Variants in TENM4 observed in about 807,000 individuals in gnomAD.
TENM4 encodes the protein teneurin-4.
Under a neutral mutation model 243.3 loss-of-function variants are expected in TENM4, and 82 were observed. That is an observed-to-expected ratio of 0.34 (90% CI 0.28 to 0.40). The LOEUF is 0.40. Ranked by LOEUF, TENM4 falls within the 10% of genes least tolerant of loss-of-function variation. The pLI is 1.00. For missense variants in TENM4, 3,138 were observed against 3,673.3 expected (o/e 0.85, Z 3.77); for synonymous variants, 1,412 against 1,456.3 (o/e 0.97, Z 0.69).
intron 6 of TENM4, among the ~76,000 whole-genome samples, chr11:78,943,134 C>T (rs1296917771): frequency 6.6e-6 from 1 of 152,184 alleles, no homozygotes; most frequent in African/African-American, 2.4e-5. Flanking sequence ...AATGAATGTG[C>T]ACCTTTGAGA....
intron 2 of TENM4, among the ~76,000 whole-genome samples, chr11:79,263,923 C>T (rs1471481570): frequency 2.0e-5 from 3 of 152,160 alleles, no homozygotes; most frequent in Admixed American, 6.5e-5. Context: ...TACGGGGCTT[C>T]GCATCCCTTG....
At chr11:79,252,974 T>C (rs1039428472) in intron 2 of TENM4, among the ~76,000 whole-genome samples, 3 of 152,236 alleles carry the variant, frequency 2.0e-5, no homozygotes, top group Non-Finnish European at 2.9e-5. Flanking sequence ...AGTTGCTTAA[T>C]ACATATATTA....
chr11:79,288,643 C>T (rs1175295163), intron 2 of TENM4, among the ~76,000 whole-genome samples: 1 of 152,190 alleles, frequency 6.6e-6, no homozygotes. Flanking sequence ...TGATAACACC[C>T]GGCTCCGTCT....
chr11:78,726,253 A>T (rs1420716938), intron 22 of TENM4, 31 bp from the exon 23 acceptor site: 2 of 1,609,514 alleles, frequency 1.2e-6, no homozygotes, highest in Non-Finnish European at 1.7e-6. Flanking sequence ...CAAAATGCAT[A>T]AGTGAGCAAA....
In TENM4 at chr11:79,054,988, C is replaced by T. The variant is rs561743085; in HGVS notation, c.493+9750G>A. Among the ~76,000 whole-genome samples the T allele has an allele frequency of 2.1e-4, 32 of 151,792 alleles. 1 individual carries two copies. The highest frequency in any genetic ancestry group is 1.2e-3 in the East Asian group (6 of 5,092). Reference sequence around the variant, plus strand: ...TCTACTAAACAAACAATTAGCCAGGCGTGGTGGCAGAACCTGTAATCCCAG... The same window carrying T: ...TCTACTAAACAAACAATTAGCCAGGTGTGGTGGCAGAACCTGTAATCCCAG... On this transcript the variant is annotated intron_variant, in intron 6 of 33. Coordinates refer to ENST00000278550, the MANE Select transcript of TENM4 (RefSeq NM_001098816.3).
chr11:79,055,398 C>T (rs1160126337), intron 6 of TENM4, among the ~76,000 whole-genome samples: 1 of 152,030 alleles, frequency 6.6e-6, no homozygotes, highest in Non-Finnish European at 1.5e-5. Context: ...CACACCACCA[C>T]ACCCAGCTAA....
At chr11:78,966,259 G>T (rs1008712599) in intron 6 of TENM4, among the ~76,000 whole-genome samples, 1 of 150,860 alleles carries the variant, frequency 6.6e-6, no homozygotes, top group East Asian at 1.9e-4. Context: ...GAGGATGAAA[G>T]AAATTAAAAT....
At chr11:79,181,272 C>A (rs1269279682) in intron 3 of TENM4, among the ~76,000 whole-genome samples, 1 of 152,156 alleles carries the variant, frequency 6.6e-6, no homozygotes, top group African/African-American at 2.4e-5. Context: ...CCCAGGTATG[C>A]AAGGCTGGTT....
intron 30 of TENM4, among the ~76,000 whole-genome samples, chr11:78,673,061 T>A (rs1021011074): frequency 6.6e-6 from 1 of 150,454 alleles, no homozygotes; most frequent in African/African-American, 2.5e-5. Context: ...GGGGACACAG[T>A]CCTGGCTTTG....
chr11:78,977,404 G>A (rs1441301851), intron 6 of TENM4, among the ~76,000 whole-genome samples: 3 of 152,236 alleles, frequency 2.0e-5, no homozygotes, highest in Non-Finnish European at 4.4e-5. Flanking sequence ...CACTGTCCTT[G>A]TGGAACTTAC....
At chr11:79,372,131 A>G (rs763806426) in intron 1 of TENM4, among the ~76,000 whole-genome samples, 7 of 152,162 alleles carry the variant, frequency 4.6e-5, no homozygotes, top group Non-Finnish European at 7.3e-5. Context: ...GAATAGAAAG[A>G]TTGACTTTTG....
chr11:79,011,406 C>A (rs1858637349), intron 6 of TENM4, among the ~76,000 whole-genome samples: 1 of 152,230 alleles, frequency 6.6e-6, no homozygotes, highest in Non-Finnish European at 1.5e-5. Context: ...GTTCCCAGAC[C>A]TGTCTTGGCC....
At chr11:78,826,844 C>T (rs925406066) in intron 12 of TENM4, among the ~76,000 whole-genome samples, 3 of 152,200 alleles carry the variant, frequency 2.0e-5, no homozygotes, top group African/African-American at 7.2e-5. Context: ...GAAGATCCAA[C>T]ATGGGAATAA....
At chr11:79,173,178 G>A (rs566750631) in intron 3 of TENM4, among the ~76,000 whole-genome samples, 6 of 152,020 alleles carry the variant, frequency 3.9e-5, no homozygotes, top group African/African-American at 1.2e-4. Context: ...ACATTTTATC[G>A]ACCAGGCTCA....
chr11:79,240,280 C>CA (rs999931003), intron 2 of TENM4, among the ~76,000 whole-genome samples: 1 of 152,136 alleles, frequency 6.6e-6, no homozygotes, highest in Non-Finnish European at 1.5e-5. Context: ...GGATTCTCAG[C>CA]ACTTCCATGA....
In TENM4 at chr11:79,329,480, A is replaced by G. The variant is rs546848067; in HGVS notation, c.-320-31937T>C. Among the ~76,000 whole-genome samples the G allele has an allele frequency of 1.2e-4, 19 of 152,342 alleles. No individual in the cohort carries two copies. In the South Asian group the frequency reaches 2.7e-3, roughly 22 times the overall value. On this transcript the variant is annotated intron_variant, in intron 1 of 33. Transcript: ENST00000278550. ...AAATTAAGCAGCAAACATAAAAGAC[A>G]TGAGGAGCTATGATAGAAAGTGGCT...
intron 29 of TENM4, among the ~76,000 whole-genome samples, chr11:78,684,975 T>C (rs566924565): frequency 2.6e-5 from 4 of 152,284 alleles, no homozygotes; most frequent in South Asian, 2.1e-4. Flanking sequence ...ATAGTTTTCA[T>C]GGGAAACCCT....
intron 19 of TENM4, among the ~76,000 whole-genome samples, chr11:78,751,803 G>A (rs1254550422): frequency 6.6e-6 from 1 of 152,154 alleles, no homozygotes; most frequent in South Asian, 2.1e-4. Flanking sequence ...CCAGCTCTCT[G>A]ATCCCAAACC....
chr11:78,714,565 C>T (rs997449844), intron 25 of TENM4, among the ~76,000 whole-genome samples: 1 of 152,188 alleles, frequency 6.6e-6, no homozygotes, highest in Admixed American at 6.5e-5. Flanking sequence ...ACCCAAATAC[C>T]AACCTGCCAT....
Sources: allele counts gnomAD v4.1 joint callset (sites outside exome capture counted in the v4.1 genomes callset), GRCh38; gene constraint gnomAD v4.1.1; transcripts MANE v1.5; gene names NCBI Gene and HGNC (gene_info 2026-07-23, HGNC 2026-07-21).